MAGI1: variants seen among roughly 807,000 people sequenced by gnomAD.
MAGI1 encodes membrane associated guanylate kinase, WW and PDZ domain containing 1.
MAGI1 carries 58 observed loss-of-function variants against 139.9 expected under a neutral mutation model. The observed-to-expected ratio is 0.41, with a 90% confidence interval of 0.34 to 0.52. MAGI1 has a LOEUF of 0.52. Among genes scored for constraint, MAGI1 ranks in the 20% least tolerant of loss-of-function variants. The pLI, the probability that MAGI1 is intolerant of heterozygous loss-of-function variation, is 0.12. For missense variants in MAGI1, 1,874 were observed against 1,901.6 expected (o/e 0.99, Z 0.27); for synonymous variants, 812 against 737.9 (o/e 1.10, Z -1.63).
chr3:65,593,224 C>T (rs1356553515), intron 2 of MAGI1, among the ~76,000 whole-genome samples: 1 of 152,082 alleles, frequency 6.6e-6, no homozygotes, highest in African/African-American at 2.4e-5. Flanking sequence ...TAAAGCAACT[C>T]TCTTTGGCAT....
At chr3:65,482,860 C>A (rs1951375335) in intron 3 of MAGI1, among the ~76,000 whole-genome samples, 1 of 152,236 alleles carries the variant, frequency 6.6e-6, no homozygotes. Context: ...GTTCCAGGGA[C>A]TCCATCTCTT....
In MAGI1 at chr3:66,038,529, C is replaced by A; in HGVS notation, c.-221G>T. ...TCCCCGCGAGCCCCGCACAGGCGCC[C>A]GCGAGCTTTGTTTGCATTCCGGTGC... On this transcript the variant is annotated 5_prime_UTR_variant, in exon 1 of 23. Coordinates refer to ENST00000402939, the MANE Select transcript of MAGI1 (RefSeq NM_001033057.2). 2 of 576,810 alleles carry A rather than the reference C, an allele frequency of 3.5e-6. No individual in the cohort carries two copies. The highest frequency in any genetic ancestry group is 5.5e-6 in the Non-Finnish European group (2 of 364,330). 35.7% of individuals were successfully genotyped at this position (576,810 alleles called of 1,614,324 possible). A position where few individuals can be genotyped will look rare whatever the true frequency, so the allele number is the denominator to read the frequency against.
chr3:65,357,345 CTGAA>C (rs1342446083), intron 22 of MAGI1, among the ~76,000 whole-genome samples: 1 of 152,140 alleles, frequency 6.6e-6, no homozygotes, highest in Non-Finnish European at 1.5e-5. Flanking sequence ...GTCTGGCTGA[CTGAA>C]TGTTCTCCAT....
chr3:65,439,805 C>T (rs1948127971), intron 9 of MAGI1, 74 bp downstream of exon 9: 1 of 1,598,130 alleles, frequency 6.3e-7, no homozygotes, highest in South Asian at 1.1e-5. Flanking sequence ...GTTCTGACCA[C>T]ACGAGGGTGT....
intron 2 of MAGI1, among the ~76,000 whole-genome samples, chr3:65,507,816 T>C (rs1404433147): frequency 2.0e-5 from 3 of 152,254 alleles, no homozygotes; most frequent in South Asian, 4.1e-4. Context: ...ATGGACTATA[T>C]AGTTTCTAGA....
At chr3:65,565,691 T>C (rs1316313714) in intron 2 of MAGI1, among the ~76,000 whole-genome samples, 1 of 151,642 alleles carries the variant, frequency 6.6e-6, no homozygotes, top group African/African-American at 2.4e-5. Context: ...ACCCTGTCTC[T>C]ACTAAAAATA....
At chr3:65,986,685 CT>C (rs1355197305) in intron 1 of MAGI1, among the ~76,000 whole-genome samples, 2 of 152,154 alleles carry the variant, frequency 1.3e-5, no homozygotes, top group Non-Finnish European at 2.9e-5. Flanking sequence ...GAAATGTCGT[CT>C]GGCACCTTAG....
chr3:65,496,572 C>T (rs1297180062), intron 2 of MAGI1, among the ~76,000 whole-genome samples: 3 of 152,150 alleles, frequency 2.0e-5, no homozygotes, highest in African/African-American at 7.2e-5. Flanking sequence ...ATAGAACAGA[C>T]ATATTAAAAG....
intron 5 of MAGI1, 141 bp downstream of exon 5, chr3:65,470,142 A>C: frequency 1.7e-6 from 1 of 599,930 alleles, no homozygotes; most frequent in East Asian, 2.8e-5. Context: ...TTTTATGCAA[A>C]ACTTATTAAA....
chr3:65,373,609 G>A (rs1942208806), intron 18 of MAGI1, among the ~76,000 whole-genome samples: 1 of 152,298 alleles, frequency 6.6e-6, no homozygotes, highest in East Asian at 1.9e-4. Context: ...GAAGTGCAAT[G>A]AAAGGGGGGA....
At chr3:65,741,149 C>T (rs2035226584) in intron 1 of MAGI1, among the ~76,000 whole-genome samples, 1 of 151,520 alleles carries the variant, frequency 6.6e-6, no homozygotes, top group East Asian at 1.9e-4. Flanking sequence ...ACTGCAGTTC[C>T]ATCAAAATAA....
At chr3:65,832,154 A>G (rs999043058) in intron 1 of MAGI1, among the ~76,000 whole-genome samples, 2 of 152,210 alleles carry the variant, frequency 1.3e-5, no homozygotes, top group Non-Finnish European at 2.9e-5. Context: ...TGGAAAGGCA[A>G]CAACTGCACA....
In MAGI1 at chr3:65,356,539, T is replaced by A. The variant is rs1185879004; in HGVS notation, c.4228A>T (p.Arg1410Trp). 1.9e-6 allele frequency: 3 copies of A among 1,610,070 alleles called. No homozygotes were observed. Among genetic ancestry groups the A allele is most frequent in the Non-Finnish European group, 2.5e-6 (3 of 1,179,826 alleles). The change falls in exon 23 of 23, where the codon AGG becomes TGG. Residue 1410 changes from arginine to tryptophan, a missense_variant. This residue lies in a region of MAGI1 where 653 missense variants were observed against 644.5 expected (regional missense o/e 1.01). Coordinates refer to ENST00000402939, the MANE Select transcript of MAGI1 (RefSeq NM_001033057.2). ...DRRRARSPER[R>W]RERSLDKRNR... ...CTTTTGTCCAGGGACCGCTCTCTCC[T>A]GCGCTCGGGGGAGCGTGCGCGCCTC...
Position 65,395,636 on chromosome 3 carries a change from CAAAAA to C in MAGI1, c.2200-4283_2200-4279del, listed in dbSNP as rs58806140. Among the ~76,000 whole-genome samples, 20 of 19,176 alleles carry C rather than the reference CAAAAA, an allele frequency of 1.0e-3. 1 individual carries two copies. Among genetic ancestry groups the C allele is most frequent in the East Asian group, 0.01 (7 of 674 alleles). 12.6% of individuals were successfully genotyped at this position (19,176 alleles called of 152,430 possible). On this transcript the variant is annotated intron_variant, in intron 13 of 22. Transcript: ENST00000402939. ...TGGGTGACAGAGCGAGACTCCATCT[CAAAAA>C]AAAAAAAAAAAAAAAAGAGGGTGTG...
At chr3:65,419,925 T>TAAA (rs1418996284) in intron 12 of MAGI1, among the ~76,000 whole-genome samples, 1 of 152,104 alleles carries the variant, frequency 6.6e-6, no homozygotes, top group Non-Finnish European at 1.5e-5. Flanking sequence ...AGAAAAAGTG[T>TAAA]GTCCCCCCAC....
chr3:66,025,959 T>C (rs986732828), intron 1 of MAGI1, among the ~76,000 whole-genome samples: 1 of 152,136 alleles, frequency 6.6e-6, no homozygotes, highest in Non-Finnish European at 1.5e-5. Context: ...TTTAAAAGAT[T>C]AGAAACCAAA....
intron 1 of MAGI1, among the ~76,000 whole-genome samples, chr3:65,860,242 C>T (rs567634520): frequency 2.0e-5 from 3 of 152,242 alleles, no homozygotes; most frequent in Admixed American, 2.0e-4. Context: ...TCCCACCTAA[C>T]AAAACTCACT....
At chr3:65,637,311 G>A (rs980650452) in intron 1 of MAGI1, among the ~76,000 whole-genome samples, 5 of 151,926 alleles carry the variant, frequency 3.3e-5, no homozygotes, top group South Asian at 2.1e-4. Context: ...TCAGCACTTC[G>A]GGAGGCCAAG....
At chr3:65,648,431 C>T (rs1054447118) in intron 1 of MAGI1, among the ~76,000 whole-genome samples, 1 of 152,138 alleles carries the variant, frequency 6.6e-6, no homozygotes, top group African/African-American at 2.4e-5. Context: ...AGCCACTGCA[C>T]CTGGCCTTAA....
Sources: gnomAD v4.1 joint callset for allele counts (sites outside exome capture counted in the v4.1 genomes callset) on GRCh38, gnomAD v4.1.1 for gene constraint, gnomAD v4.1.1 regional missense constraint, MANE v1.5 for transcripts, NCBI Gene and HGNC (gene_info 2026-07-23, HGNC 2026-07-21) for gene names.